The following MYO16 variants were observed in gnomAD, a reference collection of about 807,000 sequenced individuals.
MYO16 encodes the protein myosin XVI.
A neutral mutation model predicts 205.3 loss-of-function variants in MYO16; 94 were observed. The ratio of observed to expected loss-of-function variants is 0.46; its 90% CI spans 0.39 to 0.54. MYO16 has a LOEUF of 0.54. Ranked by LOEUF, MYO16 falls within the 20% of genes least tolerant of loss-of-function variation. MYO16 has a pLI of 0.00. For missense variants in MYO16, 2,315 were observed against 2,387.5 expected (o/e 0.97, Z 0.63); for synonymous variants, 988 against 954.0 (o/e 1.04, Z -0.66).
Position 109,055,624 on chromosome 13 carries a change from TTC to T in MYO16, c.3335+32_3335+33del. On this transcript the variant is annotated intron_variant, in intron 27 of 34. Transcript: ENST00000457511. The surrounding 1 kb of genome is among the most constrained non-coding windows in gnomAD (Gnocchi z 5.0). Reference sequence around the variant, plus strand: ...AATTCTTCTGCTCTTAAAATCGTCGTTCTCGCTGCTGTTCAGTGCAGTGTACT... The same window carrying T: ...AATTCTTCTGCTCTTAAAATCGTCGTTCGCTGCTGTTCAGTGCAGTGTACT... 6.3e-7 allele frequency: 1 copy of T among 1,576,718 alleles called. No homozygotes were observed. The highest frequency in any genetic ancestry group is 8.6e-7 in the Non-Finnish European group (1 of 1,156,436).
intron 3 of MYO16, 46 bp from the exon 4 acceptor site, chr13:108,727,394 T>A: frequency 1.3e-6 from 2 of 1,588,512 alleles, no homozygotes; most frequent in Non-Finnish European, 1.7e-6. Flanking sequence ...ATAAGCCATA[T>A]CACAGTTTGT....
chr13:109,131,665 G>A (rs1056566157), intron 31 of MYO16, among the ~76,000 whole-genome samples: 2 of 152,230 alleles, frequency 1.3e-5, no homozygotes, highest in Non-Finnish European at 1.5e-5. Context: ...AAAAGGAATT[G>A]TGGTTTTTGC....
At chr13:108,676,288 TA>T (rs1882199181) in intron 2 of MYO16, among the ~76,000 whole-genome samples, 1 of 151,622 alleles carries the variant, frequency 6.6e-6, no homozygotes, top group Admixed American at 6.6e-5. Context: ...GGAAATGTAT[TA>T]AAAGGGAAAA....
chr13:108,723,447 T>C (rs536191348), intron 3 of MYO16, among the ~76,000 whole-genome samples: 1 of 152,320 alleles, frequency 6.6e-6, no homozygotes, highest in East Asian at 1.9e-4. Context: ...TTAGAACTTT[T>C]GTAACTTTTG....
intron 2 of MYO16, among the ~76,000 whole-genome samples, chr13:108,707,757 T>G (rs1433684021): frequency 1.3e-5 from 2 of 152,206 alleles, no homozygotes; most frequent in African/African-American, 4.8e-5. Context: ...TTGTAAAATC[T>G]TAGCAGTTTT....
intron 9 of MYO16, among the ~76,000 whole-genome samples, chr13:108,834,510 G>A (rs1400501615): frequency 2.6e-5 from 4 of 152,018 alleles, no homozygotes; most frequent in Non-Finnish European, 4.4e-5. Flanking sequence ...ACTAGAGATA[G>A]TCCAAAGTTG....
At chr13:109,031,231 A>G (rs1886539024) in intron 23 of MYO16, among the ~76,000 whole-genome samples, 1 of 152,000 alleles carries the variant, frequency 6.6e-6, no homozygotes, top group Non-Finnish European at 1.5e-5. Flanking sequence ...AGCTGGAACC[A>G]CAGGCGCCCA....
At chr13:108,787,558 T>G (rs1594293877) in intron 5 of MYO16, among the ~76,000 whole-genome samples, 2 of 152,360 alleles carry the variant, frequency 1.3e-5, no homozygotes, top group South Asian at 4.1e-4. Flanking sequence ...ATTTTAGTAT[T>G]GCAAGATCAG....
chr13:109,167,640 AG>A (rs1878738560), intron 33 of MYO16, among the ~76,000 whole-genome samples: 1 of 152,250 alleles, frequency 6.6e-6, no homozygotes, highest in Admixed American at 6.5e-5. Flanking sequence ...AAAATGAAAC[AG>A]AAACCTTTGC....
At chr13:108,579,407 G>C in the MYO16 span, among the ~76,000 whole-genome samples, 1 of 151,588 alleles carries the variant, frequency 6.6e-6, no homozygotes, top group Non-Finnish European at 1.5e-5. Flanking sequence ...GATTAATGCT[G>C]ATCATTGAAT....
chr13:108,997,338 A>AAGAGAGAGAG (rs869174444), intron 21 of MYO16, among the ~76,000 whole-genome samples: 3 of 5,550 alleles, frequency 5.4e-4, no homozygotes, highest in African/African-American at 2.1e-3. Context: ...GAAAGAAAGA[A>AAGAGAGAGAG]AGAGAGAGAG....
chr13:108,947,203 G>A (rs1882971419), intron 16 of MYO16, among the ~76,000 whole-genome samples: 1 of 152,196 alleles, frequency 6.6e-6, no homozygotes, highest in African/African-American at 2.4e-5. Flanking sequence ...AAGACACAGG[G>A]TTGGGTTGAA....
intron 31 of MYO16, among the ~76,000 whole-genome samples, chr13:109,129,092 A>AT (rs1876410496): frequency 7.8e-6 from 1 of 128,946 alleles, no homozygotes; most frequent in East Asian, 2.2e-4. Context: ...TTTTTTTAGC[A>AT]TTTTTTAAGA....
chr13:109,015,056 G>A lies in MYO16; in HGVS notation c.2596-4655G>A, dbSNP rs142958007. ...TCTCGTGCCAGTTTGCAAAGGGAAC[G>A]CTTCCAGTTATTGCCCATTCAGTAT... On this transcript the variant is annotated intron_variant, in intron 22 of 34. Transcript: ENST00000457511. Among the ~76,000 whole-genome samples the A allele has an allele frequency of 1.6e-4, 25 of 152,302 alleles. 1 individual carries two copies. The East Asian group carries it at 4.1e-3, about 25-fold the overall frequency.
At chr13:108,952,930 G>C (rs1883212564) in intron 16 of MYO16, among the ~76,000 whole-genome samples, 1 of 152,042 alleles carries the variant, frequency 6.6e-6, no homozygotes, top group South Asian at 2.1e-4. Context: ...GGGCAAAATT[G>C]GAAACTCTCA....
At chr13:108,602,782 A>C (rs979688426) in intron 1 of MYO16, among the ~76,000 whole-genome samples, 2 of 152,190 alleles carry the variant, frequency 1.3e-5, no homozygotes, top group African/African-American at 4.8e-5. Context: ...AACTACCACC[A>C]ATGGAATCCA....
At chr13:108,832,932 A>G (rs928227402) in intron 9 of MYO16, among the ~76,000 whole-genome samples, 2 of 152,186 alleles carry the variant, frequency 1.3e-5, no homozygotes, top group African/African-American at 4.8e-5. Flanking sequence ...TCACTTAGGT[A>G]TTCTGAAGTC....
chr13:109,024,555 A>C, intron 23 of MYO16, among the ~76,000 whole-genome samples: 1 of 152,174 alleles, frequency 6.6e-6, no homozygotes, highest in Non-Finnish European at 1.5e-5. Flanking sequence ...AAATCAACTA[A>C]GTTTAAGTCA....
At chr13:108,560,621 C>T in the MYO16 span, among the ~76,000 whole-genome samples, 2 of 152,102 alleles carry the variant, frequency 1.3e-5, no homozygotes, top group African/African-American at 4.8e-5. Context: ...GAATTTTACA[C>T]TTTACATTAA....
Sources: gnomAD v4.1 joint callset for allele counts (sites outside exome capture counted in the v4.1 genomes callset) on GRCh38, gnomAD v4.1.1 for gene constraint, Gnocchi (gnomAD v3.1) non-coding constraint, MANE v1.5 for transcripts, NCBI Gene and HGNC (gene_info 2026-07-23, HGNC 2026-07-21) for gene names.